BMPR1B: variants seen among roughly 807,000 people sequenced by gnomAD.
BMPR1B encodes bone morphogenetic protein receptor type 1B, also known as bone morphogenetic protein receptor type-1B.
A neutral mutation model predicts 59.1 loss-of-function variants in BMPR1B; 12 were observed. That is an observed-to-expected ratio of 0.20 (90% CI 0.13 to 0.33). The LOEUF is 0.33. Ranked by LOEUF, BMPR1B falls within the 10% of genes least tolerant of loss-of-function variation. The probability of loss-of-function intolerance (pLI) is 1.00; values close to 1 mark genes in which losing one functional copy is unlikely to be tolerated. For missense variants in BMPR1B, 550 were observed against 610.9 expected, an observed-to-expected ratio of 0.90 and a Z score of 1.05; for synonymous variants, 237 against 207.3, an observed-to-expected ratio of 1.14 and a Z score of -1.23.
At chr4:94,998,189 A>G (rs1722190080) in intron 3 of BMPR1B, among the ~76,000 whole-genome samples, 1 of 152,164 alleles carries the variant, frequency 6.6e-6, no homozygotes, top group Non-Finnish European at 1.5e-5. Context: ...TATCATATTT[A>G]TAAATAATAT....
intron 3 of BMPR1B, among the ~76,000 whole-genome samples, chr4:95,097,603 T>G (rs1240207785): frequency 1.3e-5 from 2 of 152,148 alleles, no homozygotes; most frequent in Non-Finnish European, 2.9e-5. Context: ...AGTGGTGTGA[T>G]CTCAGCTCAC....
intron 2 of BMPR1B, among the ~76,000 whole-genome samples, chr4:94,907,334 A>G (rs775500104): frequency 3.3e-5 from 5 of 152,100 alleles, no homozygotes; most frequent in Admixed American, 1.3e-4. Flanking sequence ...GGCATTGCCT[A>G]TAACAGGTGA....
chr4:95,093,979 T>G (rs148884266), intron 3 of BMPR1B, among the ~76,000 whole-genome samples: 73 of 152,224 alleles, frequency 4.8e-4, no homozygotes, highest in African/African-American at 1.4e-3. Flanking sequence ...CAAAGTAATC[T>G]TCCCTCTTAT....
chr4:94,889,078 A>G (rs559404666), intron 2 of BMPR1B, among the ~76,000 whole-genome samples: 33 of 152,158 alleles, frequency 2.2e-4, no homozygotes, highest in African/African-American at 6.7e-4. Context: ...GAAATTTATA[A>G]TAAAGAGGAA....
chr4:94,821,599 C>T (rs1724212066), intron 1 of BMPR1B, among the ~76,000 whole-genome samples: 2 of 151,984 alleles, frequency 1.3e-5, no homozygotes, highest in Non-Finnish European at 2.9e-5. Flanking sequence ...AACAGCAGTA[C>T]ACATAAAACA....
intron 1 of BMPR1B, among the ~76,000 whole-genome samples, chr4:94,806,705 TA>T (rs1723615426): frequency 6.6e-6 from 1 of 152,218 alleles, no homozygotes. Context: ...TGCTTCCAGA[TA>T]AAATACTGGC....
At chr4:95,047,280 TC>T (rs1429354117) in intron 3 of BMPR1B, among the ~76,000 whole-genome samples, 1 of 152,238 alleles carries the variant, frequency 6.6e-6, no homozygotes, top group Non-Finnish European at 1.5e-5. Flanking sequence ...TTTTTTCTGT[TC>T]AAGGATTCCA....
At chr4:94,973,777 C>T (rs1253516128) in intron 2 of BMPR1B, among the ~76,000 whole-genome samples, 2 of 152,058 alleles carry the variant, frequency 1.3e-5, no homozygotes, top group Admixed American at 1.3e-4. Flanking sequence ...TCATAGAACC[C>T]AGTTGATAGT....
chr4:94,877,931 C>G (rs1411824709), intron 2 of BMPR1B, among the ~76,000 whole-genome samples: 1 of 151,960 alleles, frequency 6.6e-6, no homozygotes, highest in Non-Finnish European at 1.5e-5. Context: ...TTTTATATTT[C>G]CTGTGTTTGT....
intron 6 of BMPR1B, among the ~76,000 whole-genome samples, chr4:95,118,962 A>G (rs537005383): frequency 6.6e-6 from 1 of 152,280 alleles, no homozygotes; most frequent in Non-Finnish European, 1.5e-5. Context: ...TTCTGGTCTC[A>G]TTGCTCTCAT....
intron 2 of BMPR1B, among the ~76,000 whole-genome samples, chr4:94,975,357 G>GTTTTTTTTTTTTTTTTT (rs1177887549): frequency 1.1e-5 from 1 of 94,220 alleles, no homozygotes. Flanking sequence ...ATTTCCTTTT[G>GTTTTTTTTTTTTTTTTT]TTTTTGTTTT....
chr4:94,956,679 G>A (rs1730152434), intron 2 of BMPR1B, among the ~76,000 whole-genome samples: 1 of 152,136 alleles, frequency 6.6e-6, no homozygotes, highest in Non-Finnish European at 1.5e-5. Flanking sequence ...AACAGATTTA[G>A]TGTGCTCTTA....
rs1735313603 is a variant in BMPR1B at position 95,154,960 on chromosome 4, G to T, written c.*287G>T. Reference sequence around the variant, plus strand: ...TAAGAAAGCCCTGTATTTTGTGATTGCCTTTTTTTTTTTTTAAGATGCTTT... The same window carrying T: ...TAAGAAAGCCCTGTATTTTGTGATTTCCTTTTTTTTTTTTTAAGATGCTTT... On this transcript the variant is annotated 3_prime_UTR_variant, in exon 13 of 13. Transcript: ENST00000515059. 7 of 350,568 alleles carry T rather than the reference G, an allele frequency of 2.0e-5. No individual in the cohort carries two copies. The highest frequency in any genetic ancestry group is 3.5e-5 in the South Asian group (1 of 28,368). The allele number at this position is 350,568 out of a possible 1,614,324, so 21.7% of individuals were successfully genotyped here. A position where few individuals can be genotyped will look rare whatever the true frequency, so the allele number is the denominator to read the frequency against.
intron 2 of BMPR1B, among the ~76,000 whole-genome samples, chr4:94,909,471 T>C (rs1728190853): frequency 6.6e-6 from 1 of 151,910 alleles, no homozygotes; most frequent in African/African-American, 2.4e-5. Flanking sequence ...ATGTACAAAA[T>C]TGAGATAATA....
At chr4:94,871,682 T>G (rs964223231) in intron 1 of BMPR1B, among the ~76,000 whole-genome samples, 12 of 152,234 alleles carry the variant, frequency 7.9e-5, no homozygotes, top group African/African-American at 2.2e-4. Context: ...ATTCCATTAT[T>G]TTAAAAGATA....
At chr4:94,992,223 T>A (rs1003656258) in intron 2 of BMPR1B, among the ~76,000 whole-genome samples, 1 of 152,234 alleles carries the variant, frequency 6.6e-6, no homozygotes, top group Non-Finnish European at 1.5e-5. Context: ...TTTAATCCAC[T>A]GCTTAATTTG....
chr4:94,848,547 C>G (rs1329474300), intron 1 of BMPR1B, among the ~76,000 whole-genome samples: 3 of 152,136 alleles, frequency 2.0e-5, no homozygotes, highest in Non-Finnish European at 4.4e-5. Flanking sequence ...AGAGGGAGAT[C>G]AGAGAGGTAA....
At chr4:95,075,393 C>G (rs918086194) in intron 3 of BMPR1B, among the ~76,000 whole-genome samples, 1 of 152,072 alleles carries the variant, frequency 6.6e-6, no homozygotes, top group Admixed American at 6.6e-5. Flanking sequence ...TTTTTAGATG[C>G]ATGATAGCGG....
At chr4:94,813,662 G>A (rs1199541557) in intron 1 of BMPR1B, among the ~76,000 whole-genome samples, 1 of 152,146 alleles carries the variant, frequency 6.6e-6, no homozygotes, top group Non-Finnish European at 1.5e-5. Context: ...AAAAGGATAG[G>A]TTGAGCCGCT....
Sources: allele counts gnomAD v4.1 joint callset (sites outside exome capture counted in the v4.1 genomes callset), GRCh38; gene constraint gnomAD v4.1.1; transcripts MANE v1.5; gene names NCBI Gene and HGNC (gene_info 2026-07-23, HGNC 2026-07-21).